The following RNF123 variants were observed in gnomAD, a reference collection of about 807,000 sequenced individuals.
The protein encoded by RNF123 is ring finger protein 123.
Under a neutral mutation model 168.5 loss-of-function variants are expected in RNF123, and 86 were observed. The ratio of observed to expected loss-of-function variants is 0.51; its 90% CI spans 0.43 to 0.61. The LOEUF is 0.61. RNF123 is among the 20% of genes least tolerant of loss of function. The pLI is 0.00. For missense variants in RNF123, 1,419 were observed against 1,729.7 expected, an observed-to-expected ratio of 0.82 and a Z score of 3.19; for synonymous variants, 666 against 689.1, an observed-to-expected ratio of 0.97 and a Z score of 0.52.
chr3:49,707,708 T>C (rs1269094582), intron 26 of RNF123, among the ~76,000 whole-genome samples: 1 of 152,082 alleles, frequency 6.6e-6, no homozygotes, highest in Non-Finnish European at 1.5e-5. Flanking sequence ...CTGTTTCTTC[T>C]CATGGCTCTT....
intron 26 of RNF123, 101 bp downstream of exon 26, chr3:49,706,999 C>A: frequency 1.2e-6 from 1 of 854,352 alleles, no homozygotes. Context: ...TCTCAGGCCT[C>A]TGGCACACAC....
intron 29 of RNF123, 30 bp from the exon 30 acceptor site, chr3:49,713,880 A>C (rs756910489): frequency 3.7e-6 from 6 of 1,612,932 alleles, no homozygotes; most frequent in Non-Finnish European, 5.1e-6. Context: ...GCCCAGCCTC[A>C]CCCCGTCTCT....
rs1225259764 is a variant in RNF123 at position 49,699,763 on chromosome 3, A to G, written c.975A>G (p.Ala325=). 2 of 1,613,146 alleles carry G rather than the reference A, an allele frequency of 1.2e-6. No homozygotes were observed. The highest frequency in any genetic ancestry group is 1.7e-6 in the Non-Finnish European group (2 of 1,179,896). The change falls in exon 12 of 39, where the codon GCA becomes GCG. Residue 325 remains alanine, a synonymous_variant. Transcript: ENST00000327697. This position sits in a 1 kb window ranked among gnomAD's most constrained non-coding sequence, Gnocchi z 4.8. Reference sequence around the variant, plus strand: ...TGGCCCACATCTTCCATCACTTTGCACCGCTTCTGGTGAGCGGCATTGGGA... The same window carrying G: ...TGGCCCACATCTTCCATCACTTTGCGCCGCTTCTGGTGAGCGGCATTGGGA... ...LTLAHIFHHF[A]PLLRKVYLVE...
At position 49,720,793 on chromosome 3, in the gene RNF123, T is replaced by C. The variant is rs777051020; in HGVS notation, c.3644-7T>C. 5.6e-6 allele frequency: 9 copies of C among 1,613,836 alleles called. No homozygotes were observed. Among genetic ancestry groups the C allele is most frequent in the Non-Finnish European group, 7.6e-6 (9 of 1,179,984 alleles). ...CCTCTGACTTGACACTACCTACCAC[T>C]CCCCAGATGCGGATTATATCAGTGC... On this transcript the variant is annotated splice_polypyrimidine_tract_variant and splice_region_variant and intron_variant, in intron 36 of 38. Transcript: ENST00000327697.
chr3:49,715,536 G>A (rs115720876), intron 31 of RNF123, 39 bp from the exon 32 acceptor site: 3 of 1,612,586 alleles, frequency 1.9e-6, no homozygotes, highest in African/African-American at 1.3e-5. Flanking sequence ...GGCCACTGCA[G>A]TGGAGTCCCT....
chr3:49,690,063 G>A (rs1396937201), intron 1 of RNF123, among the ~76,000 whole-genome samples: 1 of 152,230 alleles, frequency 6.6e-6, no homozygotes, highest in Non-Finnish European at 1.5e-5. Context: ...GCCCGAGGTC[G>A]GGAAAATCAC....
chr3:49,705,533 G>T lies in RNF123; in HGVS notation c.2159-1G>T. ...TGACCCTTCCCTCCCCAACTCCCCA[G>T]TTGAAGGCAGCCACTGGAATGAGGG... On this transcript the variant is annotated splice_acceptor_variant, in intron 23 of 38. Coordinates refer to ENST00000327697, the MANE Select transcript of RNF123 (RefSeq NM_022064.5). LOFTEE classifies it high-confidence loss of function. The T allele has an allele frequency of 6.3e-7, 1 of 1,589,124 alleles. No homozygotes were observed. Among genetic ancestry groups the T allele is most frequent in the Non-Finnish European group, 8.6e-7 (1 of 1,168,236 alleles).
At chr3:49,705,429 CCTT>C (rs1347998438) in intron 23 of RNF123, 102 bp from the exon 24 acceptor site, 1 of 1,492,198 alleles carries the variant, frequency 6.7e-7, no homozygotes, top group African/African-American at 1.4e-5. Context: ...GCGGGTCCCT[CCTT>C]GGGCACAGGA....
intron 3 of RNF123, among the ~76,000 whole-genome samples, chr3:49,693,757 G>C (rs1007724420): frequency 9.9e-5 from 15 of 152,110 alleles, no homozygotes; most frequent in African/African-American, 3.6e-4. Flanking sequence ...CCACAACCTC[G>C]CCAGCATTTG....
Position 49,713,916 on chromosome 3 carries a change from C to T in RNF123, c.2844C>T (p.Ile948=), listed in dbSNP as rs766525766. Residue 948 remains isoleucine (I), a synonymous_variant, in exon 30 of 39, where the codon ATC becomes ATT. Coordinates refer to ENST00000327697, the MANE Select transcript of RNF123 (RefSeq NM_022064.5). ...CCCCTCCTTGCCCTCACAGGCGTAT[C>T]GCCATGGTGAGGAACCTCCTGGCGC... The part of the protein sequence containing the change: ...AVERIPEEQR[I]AMVRNLLAPY... 9 of 1,613,708 alleles carry T rather than the reference C, an allele frequency of 5.6e-6. No homozygotes were observed. The highest frequency in any genetic ancestry group is 7.6e-6 in the Non-Finnish European group (9 of 1,179,908).
intron 35 of RNF123, chr3:49,718,621 T>C (rs753482923): frequency 6.2e-7 from 1 of 1,612,966 alleles, no homozygotes; most frequent in African/African-American, 1.3e-5. Context: ...TTCCGGCCGC[T>C]CTAGGCCAAG....
intron 23 of RNF123, 75 bp downstream of exon 23, chr3:49,705,257 C>G: frequency 6.7e-7 from 1 of 1,491,990 alleles, no homozygotes; most frequent in Non-Finnish European, 9.1e-7. Context: ...CGGGCAAAGC[C>G]AAAATACACC....
chr3:49,697,788 C>A, intron 5 of RNF123, 97 bp from the exon 6 acceptor site: 1 of 1,468,266 alleles, frequency 6.8e-7, no homozygotes, highest in Non-Finnish European at 9.5e-7. Context: ...CAGGCAAATA[C>A]CACCAGGGCT....
chr3:49,714,363 G>A (rs781421579), intron 31 of RNF123, among the ~76,000 whole-genome samples, 189 bp downstream of exon 31: 7 of 152,166 alleles, frequency 4.6e-5, no homozygotes, highest in Non-Finnish European at 1.0e-4. Context: ...TACTCGGGAT[G>A]GGACTCCCCC....
rs1295648401 is a variant in RNF123, at chr3:49,720,611, G to A, written c.3601G>A (p.Ala1201Thr). 1.9e-6 allele frequency: 3 copies of A among 1,607,874 alleles called. No individual in the cohort carries two copies. Among genetic ancestry groups the A allele is most frequent in the Non-Finnish European group, 2.6e-6 (3 of 1,175,782 alleles). The change falls in exon 36 of 39, where the codon GCT (alanine) becomes ACT (threonine). Residue 1201 changes from alanine to threonine, a missense_variant. This residue lies in a region of RNF123 where 164 missense variants were observed against 152.3 expected (regional missense o/e 1.08). Transcript: ENST00000327697. ...GCCAGAGCCCCCAGCACCTGGCACT[G>A]CTCTGCCAGCCCCTGACCGGAAGCG... is the stretch of plus-strand genomic sequence containing the variant. ...GQPEPPAPGTALPAPDRKRFS... is the reference protein window; with the variant it reads ...GQPEPPAPGTTLPAPDRKRFS...
chr3:49,692,191 G>A (rs999567567), intron 3 of RNF123, among the ~76,000 whole-genome samples: 3 of 152,240 alleles, frequency 2.0e-5, no homozygotes, highest in Non-Finnish European at 2.9e-5. Flanking sequence ...GCTGCAGTGA[G>A]TTGGCCTCTG....
rs771314225 is a variant in RNF123 at position 49,716,390 on chromosome 3, C to CA, written c.3416-2dup. On this transcript the variant is annotated splice_region_variant and splice_polypyrimidine_tract_variant and intron_variant, in intron 34 of 38. Coordinates refer to ENST00000327697, the MANE Select transcript of RNF123 (RefSeq NM_022064.5). ...CTCATCTCTTTCCTCCCCTTCCCCT[C>CA]AGGCCTAGAGAGCGTGGACCACTAT... 1.2e-6 allele frequency: 2 copies of CA among 1,613,280 alleles called. No individual in the cohort carries two copies. Among genetic ancestry groups the CA allele is most frequent in the Non-Finnish European group, 1.7e-6 (2 of 1,179,558 alleles).
At chr3:49,706,372 C>T (rs1362432916) in intron 25 of RNF123, among the ~76,000 whole-genome samples, 1 of 152,238 alleles carries the variant, frequency 6.6e-6, no homozygotes, top group Admixed American at 6.5e-5. Context: ...GGGCCTGGCT[C>T]CACTGCACCC....
chr3:49,701,679 C>T, intron 16 of RNF123, 71 bp downstream of exon 16: 1 of 1,482,342 alleles, frequency 6.7e-7, no homozygotes, highest in Non-Finnish European at 9.4e-7. Flanking sequence ...GGCCACTGGG[C>T]ATCTAGCATG....
Sources: gnomAD v4.1 joint callset for allele counts (sites outside exome capture counted in the v4.1 genomes callset) on GRCh38, gnomAD v4.1.1 for gene constraint, gnomAD v4.1.1 regional missense constraint, Gnocchi (gnomAD v3.1) non-coding constraint, MANE v1.5 for transcripts, NCBI Gene and HGNC (gene_info 2026-07-23, HGNC 2026-07-21) for gene names.